Variants in NFATC2 observed in about 807,000 individuals in gnomAD.
NFATC2 encodes the protein nuclear factor of activated T cells 2.
NFATC2 carries 22 observed loss-of-function variants against 87.3 expected under a neutral mutation model. The ratio of observed to expected loss-of-function variants is 0.25; its 90% CI spans 0.18 to 0.36. NFATC2 has a LOEUF of 0.36. NFATC2 is among the 10% of genes least tolerant of loss of function. NFATC2 has a pLI of 1.00. For synonymous variants in NFATC2, 565 were observed against 542.2 expected, an observed-to-expected ratio of 1.04 and a Z score of -0.58; for missense variants, 1,149 against 1,259.1, an observed-to-expected ratio of 0.91 and a Z score of 1.32.
At chr20:51,518,113 C>A (rs2076384577) in intron 2 of NFATC2, among the ~76,000 whole-genome samples, 1 of 152,154 alleles carries the variant, frequency 6.6e-6, no homozygotes, top group Non-Finnish European at 1.5e-5. Flanking sequence ...TTCTCTTCCA[C>A]CTTGATAAAG....
chr20:51,538,992 C>G (rs753943286), intron 1 of NFATC2, among the ~76,000 whole-genome samples: 13 of 152,168 alleles, frequency 8.5e-5, no homozygotes, highest in Non-Finnish European at 1.2e-4. Flanking sequence ...GTTCAGAACA[C>G]ATGGTATGGA....
At position 51,562,501 on chromosome 20, in the gene NFATC2, G is replaced by T; in HGVS notation, c.70+59C>A. On this transcript the variant is annotated intron_variant, in intron 1 of 10. Coordinates refer to the NFATC2 transcript ENST00000414705. This position sits in a 1 kb window ranked among gnomAD's most constrained non-coding sequence, Gnocchi z 5.8. ...GAAAGTGCTGCCCGGGACGGGAGCA[G>T]CAGGAAAGGGCCGGGAGGAGCGAGC... The T allele has an allele frequency of 7.0e-7, 1 of 1,438,622 alleles. No individual in the cohort carries two copies. Among genetic ancestry groups the T allele is most frequent in the South Asian group, 1.3e-5 (1 of 79,700 alleles). 89.1% of individuals were successfully genotyped at this position (1,438,622 alleles called of 1,614,324 possible).
At chr20:51,517,070 C>T in intron 2 of NFATC2, 115 bp from the exon 3 acceptor site, 1 of 1,069,692 alleles carries the variant, frequency 9.3e-7, no homozygotes, top group Non-Finnish European at 1.3e-6. Flanking sequence ...TATTGCTCAA[C>T]AATGAGGATA....
chr20:51,427,680 C>T (rs58783508), intron 9 of NFATC2, among the ~76,000 whole-genome samples: 26,625 of 152,096 alleles, frequency 0.18, 3,106 homozygotes, highest in East Asian at 0.36. Flanking sequence ...TCACGGCCTC[C>T]GCCACCTGCG....
intron 3 of NFATC2, among the ~76,000 whole-genome samples, chr20:51,499,090 C>T (rs376366255): frequency 3.3e-5 from 5 of 152,080 alleles, no homozygotes; most frequent in Admixed American, 6.5e-5. Context: ...GCCTGGTCCA[C>T]GGTGAGGAGC....
intron 5 of NFATC2, among the ~76,000 whole-genome samples, chr20:51,461,088 T>G (rs1443490728): frequency 1.3e-5 from 2 of 152,182 alleles, no homozygotes; most frequent in Non-Finnish European, 2.9e-5. Flanking sequence ...AGCAATTAGC[T>G]TTTGAAAGAG....
At chr20:51,515,758 C>G (rs2076341655) in intron 3 of NFATC2, among the ~76,000 whole-genome samples, 1 of 151,192 alleles carries the variant, frequency 6.6e-6, no homozygotes, top group Non-Finnish European at 1.5e-5. Context: ...ATCAGAGGTA[C>G]ACACCCAAAG....
At chr20:51,396,830 T>A (rs951373936) in intron 10 of NFATC2, among the ~76,000 whole-genome samples, 1 of 152,154 alleles carries the variant, frequency 6.6e-6, no homozygotes, top group Non-Finnish European at 1.5e-5. Flanking sequence ...ATCTTCTGCC[T>A]TTGGTCCTAA....
intron 1 of NFATC2, among the ~76,000 whole-genome samples, chr20:51,550,989 C>T (rs992837200): frequency 6.6e-6 from 1 of 152,236 alleles, no homozygotes; most frequent in African/African-American, 2.4e-5. Flanking sequence ...TAATAAAACA[C>T]TGCTTATAAA....
At chr20:51,440,501 C>T (rs1256518676) in intron 6 of NFATC2, among the ~76,000 whole-genome samples, 1 of 152,222 alleles carries the variant, frequency 6.6e-6, no homozygotes, top group Non-Finnish European at 1.5e-5. Flanking sequence ...GAGACTGCAG[C>T]ATGGTGCCTG....
At chr20:51,451,029 G>A (rs532650052) in intron 6 of NFATC2, among the ~76,000 whole-genome samples, 1 of 152,300 alleles carries the variant, frequency 6.6e-6, no homozygotes, top group Admixed American at 6.5e-5. Context: ...AAGGAACTTG[G>A]TAGGATCCAG....
chr20:51,524,256 C>G lies in NFATC2; in HGVS notation c.131-146G>C, dbSNP rs2076506849. The stretch of plus-strand genomic sequence containing the variant: ...CAAACCCCAAGCTAGAAGCTCCGTC[C>G]CTCACCAGAAGAAAACTGAGGCCAC... On this transcript the variant is annotated intron_variant, in intron 1 of 10. Coordinates refer to ENST00000371564, the MANE Select transcript of NFATC2 (RefSeq NM_012340.5). The surrounding 1 kb of genome is among the most constrained non-coding windows in gnomAD (Gnocchi z 4.0). 1.4e-6 allele frequency: 1 copy of G among 720,786 alleles called. No individual in the cohort carries two copies. The highest frequency in any genetic ancestry group is 1.9e-5 in the African/African-American group (1 of 53,862). The allele number at this position is 720,786 out of a possible 1,614,324, so 44.6% of individuals were successfully genotyped here.
intron 3 of NFATC2, among the ~76,000 whole-genome samples, chr20:51,502,444 C>T (rs2076104326): frequency 6.6e-6 from 1 of 152,196 alleles, no homozygotes; most frequent in Admixed American, 6.5e-5. Context: ...TCTACTGTAA[C>T]CTCCCAACTA....
intron 3 of NFATC2, among the ~76,000 whole-genome samples, chr20:51,514,858 G>A (rs2076326487): frequency 6.6e-6 from 1 of 152,188 alleles, no homozygotes; most frequent in African/African-American, 2.4e-5. Context: ...GTGTGACAGA[G>A]TGATAGACTC....
Position 51,542,621 on chromosome 20 carries a change from C to T in NFATC2, c.-122G>A, listed in dbSNP as rs1568750540. 5 of 1,211,510 alleles carry T rather than the reference C, an allele frequency of 4.1e-6. No individual in the cohort carries two copies. The highest frequency in any genetic ancestry group is 5.1e-6 in the Non-Finnish European group (5 of 971,552). 75.0% of individuals were successfully genotyped at this position (1,211,510 alleles called of 1,614,324 possible). A position where few individuals can be genotyped will look rare whatever the true frequency, so the allele number is the denominator to read the frequency against. On this transcript the variant is annotated 5_prime_UTR_variant, in exon 1 of 11. Transcript: ENST00000371564. Reference sequence around the variant, plus strand: ...GGCGGGGTCCCTTTCCTCGTAGGGACGCACGCCGGGTCCGGGGACGGCGCG... The same window carrying T: ...GGCGGGGTCCCTTTCCTCGTAGGGATGCACGCCGGGTCCGGGGACGGCGCG...
chr20:51,426,230 G>GCA, intron 9 of NFATC2, among the ~76,000 whole-genome samples: 1 of 152,326 alleles, frequency 6.6e-6, no homozygotes, highest in Non-Finnish European at 1.5e-5. Context: ...TATAATCCCA[G>GCA]CACTTTGGGA....
intron 6 of NFATC2, among the ~76,000 whole-genome samples, chr20:51,448,685 A>C (rs1251802058): frequency 6.6e-6 from 1 of 152,118 alleles, no homozygotes; most frequent in African/African-American, 2.4e-5. Flanking sequence ...TGGTGGAGGA[A>C]CATTCTAAGA....
At chr20:51,460,313 CT>C (rs959838351) in intron 5 of NFATC2, among the ~76,000 whole-genome samples, 16 of 152,196 alleles carry the variant, frequency 1.1e-4, no homozygotes, top group African/African-American at 3.6e-4. Flanking sequence ...GGACACCCCC[CT>C]GGTTGATCCT....
At chr20:51,419,123 T>C (rs994394083) in intron 9 of NFATC2, among the ~76,000 whole-genome samples, 3 of 152,172 alleles carry the variant, frequency 2.0e-5, no homozygotes, top group Non-Finnish European at 4.4e-5. Context: ...CAATAAATAT[T>C]TGTGGAATAA....
Sources: gnomAD v4.1 joint callset for allele counts (sites outside exome capture counted in the v4.1 genomes callset) on GRCh38, gnomAD v4.1.1 for gene constraint, Gnocchi (gnomAD v3.1) non-coding constraint, MANE v1.5 for transcripts, NCBI Gene and HGNC (gene_info 2026-07-23, HGNC 2026-07-21) for gene names.